The following CAPZB variants were observed in gnomAD, a reference collection of about 807,000 sequenced individuals.
CAPZB encodes the protein F-actin-capping protein subunit beta.
Under a neutral mutation model 38.1 loss-of-function variants are expected in CAPZB, and 2 were observed. The observed-to-expected ratio is 0.05, with a 90% CI of 0.02 to 0.17. CAPZB has a LOEUF of 0.17. CAPZB is among the 10% of genes least tolerant of loss of function. The probability of loss-of-function intolerance (pLI) is 1.00; values close to 1 mark genes in which losing one functional copy is unlikely to be tolerated. For synonymous variants in CAPZB, 107 were observed against 127.4 expected (o/e 0.84, Z 1.08); for missense variants, 161 against 334.2 (o/e 0.48, Z 4.04).
At position 19,356,887 on chromosome 1, in the gene CAPZB, A is replaced by T. The variant is rs2094024210; in HGVS notation, c.472-136T>A. 6.1e-6 allele frequency: 4 copies of T among 653,234 alleles called. No individual in the cohort carries two copies. The East Asian group carries it at 1.1e-4, about 17-fold the overall frequency. The allele number at this position is 653,234 out of a possible 1,614,324, so 40.5% of individuals were successfully genotyped here. ...TTTTTTTTTTTTAAATTGGAGACAA[A>T]GTCTCGCTCTGTCACCCAGGCTGGA... On this transcript the variant is annotated intron_variant, in intron 5 of 8. Coordinates refer to ENST00000264202, the MANE Select transcript of CAPZB (RefSeq NM_004930.5). This position sits in a 1 kb window ranked among gnomAD's most constrained non-coding sequence, Gnocchi z 4.3.
chr1:19,446,054 A>G (rs1239441408), intron 1 of CAPZB, among the ~76,000 whole-genome samples: 1 of 152,208 alleles, frequency 6.6e-6, no homozygotes, highest in Non-Finnish European at 1.5e-5. Context: ...AGAGAGGCTC[A>G]ACAGATAACC....
At chr1:19,380,347 T>C (rs144086688) in intron 3 of CAPZB, among the ~76,000 whole-genome samples, 3 of 152,298 alleles carry the variant, frequency 2.0e-5, no homozygotes, top group African/African-American at 7.2e-5. Context: ...GCAGTTTTGG[T>C]AGAGACTTTG....
At chr1:19,439,188 T>A (rs2094467821) in intron 1 of CAPZB, among the ~76,000 whole-genome samples, 1 of 152,158 alleles carries the variant, frequency 6.6e-6, no homozygotes, top group Non-Finnish European at 1.5e-5. Flanking sequence ...TCTTGGAAGT[T>A]ATCCCCAAAA....
At position 19,357,611 on chromosome 1, in the gene CAPZB, A is replaced by T; in HGVS notation, c.330-48T>A. ...CCTGTTAGATGCTAAAGGACAGATC[A>T]TCAGCCTGGGTCCCAGGCTGCTGCT... is the stretch of plus-strand genomic sequence containing the variant. On this transcript the variant is annotated intron_variant, in intron 4 of 8. Transcript: ENST00000264202. This position sits in a 1 kb window ranked among gnomAD's most constrained non-coding sequence, Gnocchi z 4.3. The T allele has an allele frequency of 6.2e-7, 1 of 1,602,958 alleles. No individual in the cohort carries two copies. Among genetic ancestry groups the T allele is most frequent in the Non-Finnish European group, 8.5e-7 (1 of 1,171,036 alleles).
chr1:19,357,670 C>G lies in CAPZB; in HGVS notation c.330-107G>C, dbSNP rs552762499. On this transcript the variant is annotated intron_variant, in intron 4 of 8. Transcript: ENST00000264202. This position sits in a 1 kb window ranked among gnomAD's most constrained non-coding sequence, Gnocchi z 4.3. ...ATTCTGGGATTCAGGGCCCTCCCTG[C>G]GACAGTTATGGGAGCCGATCCTTGG... 9.2e-7 allele frequency: 1 copy of G among 1,086,986 alleles called. No individual in the cohort carries two copies. The highest frequency in any genetic ancestry group is 1.4e-6 in the Non-Finnish European group (1 of 737,150). The allele number at this position is 1,086,986 out of a possible 1,614,324, so 67.3% of individuals were successfully genotyped here. A position where few individuals can be genotyped will look rare whatever the true frequency, so the allele number is the denominator to read the frequency against.
chr1:19,450,264 G>A (rs1327652172), intron 1 of CAPZB, among the ~76,000 whole-genome samples: 1 of 151,830 alleles, frequency 6.6e-6, no homozygotes, highest in African/African-American at 2.4e-5. Context: ...CTGAAATGCT[G>A]GGGACCTGAA....
intron 1 of CAPZB, among the ~76,000 whole-genome samples, chr1:19,483,595 G>T (rs2094638594): frequency 6.6e-6 from 1 of 152,202 alleles, no homozygotes; most frequent in Non-Finnish European, 1.5e-5. Context: ...CCTCCTGGGG[G>T]ACTGAGGCAC....
At position 19,339,333 on chromosome 1, in the gene CAPZB, G is replaced by T. The variant is rs1031807325; in HGVS notation, c.*197C>A. On this transcript the variant is annotated 3_prime_UTR_variant, in exon 9 of 9. Coordinates refer to ENST00000264202, the MANE Select transcript of CAPZB (RefSeq NM_004930.5). The stretch of plus-strand genomic sequence containing the variant: ...TGGAGAGAACTGAGAGCGAGGTGTG[G>T]CAGAAGCAGGCTCGGAGCCGGAGGA... 4 of 628,054 alleles carry T rather than the reference G, an allele frequency of 6.4e-6. No individual in the cohort carries two copies. The highest frequency in any genetic ancestry group is 1.1e-5 in the Non-Finnish European group (4 of 351,790). The allele number at this position is 628,054 out of a possible 1,614,324, so 38.9% of individuals were successfully genotyped here.
intron 2 of CAPZB, among the ~76,000 whole-genome samples, chr1:19,396,103 T>A (rs2094267241): frequency 6.6e-6 from 1 of 152,188 alleles, no homozygotes; most frequent in African/African-American, 2.4e-5. Flanking sequence ...CAGAGGCCGT[T>A]GCCCCGCCTC....
chr1:19,466,425 T>G (rs2100759419), intron 1 of CAPZB, among the ~76,000 whole-genome samples: 1 of 152,336 alleles, frequency 6.6e-6, no homozygotes, highest in East Asian at 1.9e-4. Context: ...TTCAATCTTT[T>G]GAGCTCATAG....
At chr1:19,442,984 G>A (rs892683182) in intron 1 of CAPZB, among the ~76,000 whole-genome samples, 1 of 152,106 alleles carries the variant, frequency 6.6e-6, no homozygotes. Context: ...GAGTGAACAC[G>A]TAGATGTCTA....
chr1:19,341,673 G>C (rs1392434167), intron 8 of CAPZB, among the ~76,000 whole-genome samples: 1 of 152,220 alleles, frequency 6.6e-6, no homozygotes, highest in Non-Finnish European at 1.5e-5. Context: ...GGGCGGCCAG[G>C]GAACTGCACC....
chr1:19,346,703 G>C (rs1004416402), intron 6 of CAPZB, among the ~76,000 whole-genome samples: 17 of 151,970 alleles, frequency 1.1e-4, no homozygotes, highest in Admixed American at 2.0e-4. Flanking sequence ...GGGGTGAGCA[G>C]AGGGCAGGAG....
At chr1:19,449,234 G>A (rs889251000) in intron 1 of CAPZB, 6 of 1,114,090 alleles carry the variant, frequency 5.4e-6, no homozygotes, top group Admixed American at 4.1e-5. Flanking sequence ...CAGGACAACA[G>A]GAACAAAGTG....
At chr1:19,349,714 C>G (rs2093981556) in intron 6 of CAPZB, among the ~76,000 whole-genome samples, 1 of 152,136 alleles carries the variant, frequency 6.6e-6, no homozygotes, top group Non-Finnish European at 1.5e-5. Context: ...TCCCCTAGAA[C>G]ACAGGCCCCC....
chr1:19,407,902 C>T (rs979518650), intron 2 of CAPZB, among the ~76,000 whole-genome samples: 2 of 152,164 alleles, frequency 1.3e-5, no homozygotes, highest in Non-Finnish European at 2.9e-5. Context: ...TCAGATGACC[C>T]TTATCTCTGC....
chr1:19,450,154 A>G (rs868622084), intron 1 of CAPZB, among the ~76,000 whole-genome samples: 1 of 108,968 alleles, frequency 9.2e-6, no homozygotes, highest in African/African-American at 3.7e-5. Context: ...CAAAAAAAAA[A>G]AAAAAAAAAA....
At chr1:19,366,644 C>T (rs2094089937) in intron 4 of CAPZB, among the ~76,000 whole-genome samples, 1 of 151,886 alleles carries the variant, frequency 6.6e-6, no homozygotes, top group Admixed American at 6.6e-5. Flanking sequence ...CTTGAGATGG[C>T]GCCACTGCAC....
chr1:19,484,108 A>T (rs2094641126), intron 1 of CAPZB: 1 of 1,474,578 alleles, frequency 6.8e-7, no homozygotes, highest in Admixed American at 2.0e-5. Flanking sequence ...CAGGTTCCTC[A>T]AAAGTCTGGA....
Sources: allele counts gnomAD v4.1 joint callset (sites outside exome capture counted in the v4.1 genomes callset), GRCh38; gene constraint gnomAD v4.1.1; non-coding constraint Gnocchi (gnomAD v3.1); transcripts MANE v1.5; gene names NCBI Gene and HGNC (gene_info 2026-07-23, HGNC 2026-07-21).